Variants in AGTPBP1 observed in about 807,000 individuals in gnomAD.
AGTPBP1 encodes the protein cytosolic carboxypeptidase 1.
A neutral mutation model predicts 143.9 loss-of-function variants in AGTPBP1; 70 were observed. The observed-to-expected ratio is 0.49, with a 90% CI of 0.40 to 0.59. The LOEUF is 0.59. Among genes scored for constraint, AGTPBP1 ranks in the 20% least tolerant of loss-of-function variants. The probability of loss-of-function intolerance (pLI) is 0.00; values close to 1 mark genes in which losing one functional copy is unlikely to be tolerated. For synonymous variants in AGTPBP1, 463 were observed against 500.2 expected, an observed-to-expected ratio of 0.93 and a Z score of 0.99; for missense variants, 1,229 against 1,464.5, an observed-to-expected ratio of 0.84 and a Z score of 2.62.
intron 25 of AGTPBP1, among the ~76,000 whole-genome samples, chr9:85,566,786 A>G (rs1295365995): frequency 6.6e-6 from 1 of 152,234 alleles, no homozygotes; most frequent in Non-Finnish European, 1.5e-5. Context: ...GAGGCTGACA[A>G]AGTGCCCTAC....
intron 2 of AGTPBP1, among the ~76,000 whole-genome samples, chr9:85,709,806 T>G (rs1837251455): frequency 6.6e-6 from 1 of 152,170 alleles, no homozygotes; most frequent in East Asian, 1.9e-4. Context: ...ATTTAGGGCA[T>G]GACCATAATG....
At chr9:85,773,395 C>T in the AGTPBP1 span, among the ~76,000 whole-genome samples, 4 of 110,448 alleles carry the variant, frequency 3.6e-5, no homozygotes, top group South Asian at 3.4e-4. Flanking sequence ...TGCAATGGGG[C>T]GATCTTGGCT....
intron 25 of AGTPBP1, among the ~76,000 whole-genome samples, chr9:85,561,043 T>C (rs1826678362): frequency 6.6e-6 from 1 of 152,012 alleles, no homozygotes; most frequent in Non-Finnish European, 1.5e-5. Flanking sequence ...TATGAAAGAC[T>C]AAGAGAAATT....
chr9:85,602,810 G>A (rs1170222335), intron 17 of AGTPBP1, among the ~76,000 whole-genome samples: 1 of 152,188 alleles, frequency 6.6e-6, no homozygotes, highest in Admixed American at 6.5e-5. Context: ...CCGCAGTCCA[G>A]CCCCAGTGGC....
the AGTPBP1 span, among the ~76,000 whole-genome samples, chr9:85,763,638 G>C: frequency 6.6e-6 from 1 of 151,768 alleles, no homozygotes; most frequent in African/African-American, 2.4e-5. Context: ...GAGGAGGATG[G>C]GAAGTAGAGT....
chr9:85,620,643 C>A (rs1050167154), intron 15 of AGTPBP1, among the ~76,000 whole-genome samples: 3 of 152,140 alleles, frequency 2.0e-5, no homozygotes, highest in Non-Finnish European at 2.9e-5. Flanking sequence ...ATATCAGTGA[C>A]AATCCTAAAT....
upstream of AGTPBP1, among the ~76,000 whole-genome samples, chr9:85,746,238 A>T (rs374699440): frequency 8.6e-5 from 13 of 151,754 alleles, no homozygotes; most frequent in East Asian, 9.7e-4. Flanking sequence ...CCACTGCCTC[A>T]CCCCCTCTGT....
the AGTPBP1 span, among the ~76,000 whole-genome samples, chr9:85,777,264 C>A: frequency 1.3e-5 from 2 of 152,182 alleles, no homozygotes; most frequent in Non-Finnish European, 2.9e-5. Flanking sequence ...GATAGGCAAA[C>A]CCACATCCGG....
chr9:85,638,364 A>G (rs115272485), intron 13 of AGTPBP1, among the ~76,000 whole-genome samples: 1,603 of 152,222 alleles, frequency 0.011, 27 homozygotes, highest in African/African-American at 0.036. Context: ...AAAATAAAAA[A>G]AAGACTGTAT....
intron 17 of AGTPBP1, among the ~76,000 whole-genome samples, chr9:85,607,304 T>A (rs192040546): frequency 6.6e-6 from 1 of 152,230 alleles, no homozygotes; most frequent in East Asian, 1.9e-4. Flanking sequence ...ATTATTACAT[T>A]ACATTTAAAA....
chr9:85,631,945 A>G (rs1000270188), intron 14 of AGTPBP1, among the ~76,000 whole-genome samples: 3 of 152,186 alleles, frequency 2.0e-5, no homozygotes, highest in Admixed American at 1.3e-4. Flanking sequence ...AATCTTATTG[A>G]TGTTATGAAT....
intron 25 of AGTPBP1, among the ~76,000 whole-genome samples, chr9:85,550,192 T>A (rs977018524): frequency 2.8e-3 from 404 of 145,358 alleles, no homozygotes; most frequent in African/African-American, 8.0e-3. Context: ...TGTGTGTGTG[T>A]GTGAGAGAGA....
chr9:85,789,649 GT>G, the AGTPBP1 span, among the ~76,000 whole-genome samples: 1,593 of 152,160 alleles, frequency 0.01, 16 homozygotes, highest in Middle Eastern at 0.034. Flanking sequence ...TTTTTTTGTT[GT>G]TGCCTCAATT....
the AGTPBP1 span, among the ~76,000 whole-genome samples, chr9:85,769,610 G>A: frequency 3.3e-5 from 5 of 151,084 alleles, no homozygotes; most frequent in Non-Finnish European, 5.9e-5. Context: ...AAAATATTAC[G>A]TTGCCCTATT....
intron 23 of AGTPBP1, among the ~76,000 whole-genome samples, chr9:85,583,127 T>C (rs1228116228): frequency 1.3e-5 from 2 of 151,978 alleles, no homozygotes; most frequent in African/African-American, 2.4e-5. Context: ...ATGCTAGGGG[T>C]GTGGAGAACA....
the AGTPBP1 span, among the ~76,000 whole-genome samples, chr9:85,766,567 T>C: frequency 0.023 from 3,552 of 151,392 alleles, 146 homozygotes; most frequent in African/African-American, 0.077. Context: ...AAATATAGTA[T>C]GGTGCATGAT....
In AGTPBP1 at chr9:85,619,040, C is replaced by T. The variant is rs1477004210; in HGVS notation, c.2278G>A (p.Val760Ile). The change falls in exon 17 of 26, where the codon GTT (valine) becomes ATT (isoleucine). Residue 760 changes from valine (V) to isoleucine (I), a missense_variant. Physicochemically the swap from Val to Ile is conservative, Grantham distance 29. Coordinates refer to ENST00000357081, the MANE Select transcript of AGTPBP1 (RefSeq NM_001330701.2). ...YFEVSGMRPG[V>I]AYRFNIINCE... The stretch of plus-strand genomic sequence containing the variant: ...TTAATGATGTTAAACCTGTAAGCAA[C>T]ACCTGGTCGCATTCCACTGACTTCA... 6 of 1,613,864 alleles carry T rather than the reference C, an allele frequency of 3.7e-6. No individual in the cohort carries two copies. Among genetic ancestry groups the T allele is most frequent in the Non-Finnish European group, 4.2e-6 (5 of 1,179,868 alleles).
At chr9:85,626,457 G>A (rs1831300629) in intron 14 of AGTPBP1, among the ~76,000 whole-genome samples, 1 of 152,154 alleles carries the variant, frequency 6.6e-6, no homozygotes, top group African/African-American at 2.4e-5. Context: ...CATTCAGGTA[G>A]GGAATGTGAT....
intron 3 of AGTPBP1, among the ~76,000 whole-genome samples, chr9:85,686,899 C>T (rs575607296): frequency 6.6e-6 from 1 of 152,108 alleles, no homozygotes; most frequent in African/African-American, 2.4e-5. Flanking sequence ...AGATGTAAAT[C>T]CAATCATATT....
Sources: allele counts gnomAD v4.1 joint callset (sites outside exome capture counted in the v4.1 genomes callset), GRCh38; gene constraint gnomAD v4.1.1; transcripts MANE v1.5; gene names NCBI Gene and HGNC (gene_info 2026-07-23, HGNC 2026-07-21).